The following SDK1 variants were observed in gnomAD, a reference collection of about 807,000 sequenced individuals.
SDK1 encodes the protein protein sidekick-1.
A neutral mutation model predicts 245.5 loss-of-function variants in SDK1; 157 were observed. The ratio of observed to expected loss-of-function variants is 0.64; its 90% CI spans 0.56 to 0.73. The LOEUF (loss-of-function observed/expected upper bound fraction) is 0.73. Among genes scored for constraint, SDK1 ranks in the 30% least tolerant of loss-of-function variants. The probability of loss-of-function intolerance (pLI) is 0.00; values close to 1 mark genes in which losing one functional copy is unlikely to be tolerated. For missense variants in SDK1, 3,583 were observed against 3,002.3 expected (o/e 1.19, Z -4.52); for synonymous variants, 1,647 against 1,278.5 (o/e 1.29, Z -6.15).
intron 1 of SDK1, among the ~76,000 whole-genome samples, chr7:3,491,316 C>T (rs537222306): frequency 2.6e-5 from 4 of 152,196 alleles, no homozygotes; most frequent in African/African-American, 9.7e-5. Flanking sequence ...CTCAGACTTT[C>T]TTCTCCAACC....
At chr7:4,097,812 ATTTCTT>A (rs1782258207) in intron 22 of SDK1, among the ~76,000 whole-genome samples, 1 of 152,126 alleles carries the variant, frequency 6.6e-6, no homozygotes, top group African/African-American at 2.4e-5. Flanking sequence ...CTGTAGTTGA[ATTTCTT>A]TTTCATAATA....
At position 3,881,991 on chromosome 7, in the gene SDK1, G is replaced by A. The variant is rs1424020712; in HGVS notation, c.847+60408G>A. 2.0e-5 allele frequency among the ~76,000 whole-genome samples: 3 copies of A among 152,114 alleles called. No individual in the cohort carries two copies. The East Asian group carries it at 5.8e-4, about 29-fold the overall frequency. On this transcript the variant is annotated intron_variant, in intron 5 of 44. Transcript: ENST00000404826. ...ACTGGGTAATTTATAAAGAAAAAGA[G>A]GTTTAATGGACTCACAGTTCCACAT...
In SDK1 at chr7:4,159,046, GA is replaced by G. The variant is rs1780950516; in HGVS notation, c.4729+496del. Among the ~76,000 whole-genome samples the G allele has an allele frequency of 2.0e-5, 3 of 152,204 alleles. No individual in the cohort carries two copies. The South Asian group carries it at 6.2e-4, about 31-fold the overall frequency. On this transcript the variant is annotated intron_variant, in intron 31 of 44. Transcript: ENST00000404826. ...TGGCCCAGGCCTGTGGCGAGCCCAG[GA>G]GGCAGCTCTATCAGCCGCGTCCAGC...
At chr7:3,489,072 C>A (rs375640680) in intron 1 of SDK1, among the ~76,000 whole-genome samples, 1 of 152,162 alleles carries the variant, frequency 6.6e-6, no homozygotes, top group African/African-American at 2.4e-5. Context: ...GGCTTGAGGG[C>A]CAGTCCAGGC....
rs28496653 is a variant in SDK1 at position 3,789,308 on chromosome 7, C to T, written c.714-32142C>T. ...GATTCCAGGCATGCGCCACCACGCC[C>T]GGCTAATTTTTGTGTTTTTAGTAGA... On this transcript the variant is annotated intron_variant, in intron 4 of 44. Coordinates refer to ENST00000404826, the MANE Select transcript of SDK1 (RefSeq NM_152744.4). Among the ~76,000 whole-genome samples, 883 of 152,180 alleles carry T rather than the reference C, an allele frequency of 5.8e-3. 8 individuals carry two copies. The highest frequency in any genetic ancestry group is 0.02 in the African/African-American group (824 of 41,520).
rs1303647497 is a variant in SDK1, at chr7:4,267,404, G to C, written c.*2020G>C. 1.0e-6 allele frequency: 1 copy of C among 984,718 alleles called. No individual in the cohort carries two copies. The highest frequency in any genetic ancestry group is 1.2e-6 in the Non-Finnish European group (1 of 829,904). 61.0% of individuals were successfully genotyped at this position (984,718 alleles called of 1,614,324 possible). On this transcript the variant is annotated 3_prime_UTR_variant, in exon 45 of 45. Coordinates refer to ENST00000404826, the MANE Select transcript of SDK1 (RefSeq NM_152744.4). ...ATATTCTAAACCAAAAATCCTAGATGCTCTGCCCAAAGCCACTTCTGCATG... is the reference window on the plus strand; with the variant it reads ...ATATTCTAAACCAAAAATCCTAGATCCTCTGCCCAAAGCCACTTCTGCATG...
chr7:3,833,357 C>G (rs887239517), intron 5 of SDK1, among the ~76,000 whole-genome samples: 5 of 152,140 alleles, frequency 3.3e-5, no homozygotes, highest in Non-Finnish European at 7.4e-5. Flanking sequence ...ATTAAATGCC[C>G]TTCTCTTTCT....
chr7:3,436,331 G>C (rs1780021079), intron 1 of SDK1, among the ~76,000 whole-genome samples: 1 of 152,070 alleles, frequency 6.6e-6, no homozygotes, highest in Admixed American at 6.5e-5. Flanking sequence ...TGATTAAAAA[G>C]TGTGCAATAT....
At chr7:3,741,023 C>A (rs10248562) in intron 4 of SDK1, among the ~76,000 whole-genome samples, 1 of 152,130 alleles carries the variant, frequency 6.6e-6, no homozygotes, top group Non-Finnish European at 1.5e-5. Flanking sequence ...TGTGATTAAT[C>A]TACCTGTTGC....
At chr7:3,340,493 T>A (rs2128554107) in intron 1 of SDK1, among the ~76,000 whole-genome samples, 1 of 152,268 alleles carries the variant, frequency 6.6e-6, no homozygotes, top group South Asian at 2.1e-4. Context: ...CCAGGTATGG[T>A]GGCTCACGCC....
intron 1 of SDK1, among the ~76,000 whole-genome samples, chr7:3,543,504 G>A (rs570404634): frequency 6.6e-6 from 1 of 152,342 alleles, no homozygotes; most frequent in South Asian, 2.1e-4. Flanking sequence ...CTCGTGGCTG[G>A]TAATATCCTT....
chr7:4,127,326 TG>T, intron 25 of SDK1, 54 bp from the exon 26 acceptor site: 12 of 1,306,196 alleles, frequency 9.2e-6, no homozygotes, highest in Non-Finnish European at 5.6e-6. Context: ...GCTGGATCTT[TG>T]TATGTAGACA....
intron 30 of SDK1, among the ~76,000 whole-genome samples, chr7:4,154,547 G>C (rs676044): frequency 0.33 from 49,633 of 152,026 alleles, 10,679 homozygotes; most frequent in African/African-American, 0.61. Flanking sequence ...GCTCCGGGGT[G>C]GGGGAGCCAG....
At chr7:3,978,184 C>T (rs990523649) in intron 13 of SDK1, among the ~76,000 whole-genome samples, 1 of 151,930 alleles carries the variant, frequency 6.6e-6, no homozygotes, top group South Asian at 2.1e-4. Flanking sequence ...CCTTTGAGAA[C>T]CTTAGATCAT....
intron 1 of SDK1, among the ~76,000 whole-genome samples, chr7:3,418,541 C>A (rs536212571): frequency 1.8e-4 from 28 of 152,044 alleles, no homozygotes; most frequent in Non-Finnish European, 3.8e-4. Flanking sequence ...AAAAAGTATT[C>A]TTTAATCTCT....
At chr7:4,046,397 G>A (rs1055959913) in intron 17 of SDK1, among the ~76,000 whole-genome samples, 1 of 151,842 alleles carries the variant, frequency 6.6e-6, no homozygotes, top group Admixed American at 6.6e-5. Context: ...CCCTAACCCA[G>A]TGTCATAACT....
intron 25 of SDK1, among the ~76,000 whole-genome samples, chr7:4,118,768 A>C (rs895141605): frequency 5.4e-5 from 8 of 149,218 alleles, no homozygotes; most frequent in Non-Finnish European, 1.2e-4. Context: ...ATTCTGATAC[A>C]TGCTACAGTG....
chr7:4,092,940 A>G (rs993308062), intron 22 of SDK1, among the ~76,000 whole-genome samples: 4 of 152,142 alleles, frequency 2.6e-5, no homozygotes, highest in Non-Finnish European at 5.9e-5. Context: ...CTACTTTTCA[A>G]TTGTATCTTC....
chr7:3,661,323 G>A (rs1783347983), intron 4 of SDK1, among the ~76,000 whole-genome samples: 1 of 152,196 alleles, frequency 6.6e-6, no homozygotes. Flanking sequence ...TTAGTTAAAT[G>A]TAAGAATTTT....
Sources: allele counts gnomAD v4.1 joint callset (sites outside exome capture counted in the v4.1 genomes callset), GRCh38; gene constraint gnomAD v4.1.1; transcripts MANE v1.5; gene names NCBI Gene and HGNC (gene_info 2026-07-23, HGNC 2026-07-21).